The following PTPRM variants were observed in gnomAD, a reference collection of about 807,000 sequenced individuals.
The protein encoded by PTPRM is protein tyrosine phosphatase receptor type M, also known as receptor-type tyrosine-protein phosphatase mu.
PTPRM carries 47 observed loss-of-function variants against 186.7 expected under a neutral mutation model. The observed-to-expected ratio is 0.25, with a 90% CI of 0.20 to 0.32. The LOEUF is 0.32. Ranked by LOEUF, PTPRM falls within the 10% of genes least tolerant of loss-of-function variation. PTPRM has a pLI of 1.00. For missense variants in PTPRM, 1,494 were observed against 1,865.0 expected (o/e 0.80, Z 3.66); for synonymous variants, 668 against 674.9 (o/e 0.99, Z 0.16).
intron 7 of PTPRM, among the ~76,000 whole-genome samples, chr18:7,966,874 G>T (rs1306114102): frequency 6.3e-5 from 8 of 127,454 alleles, no homozygotes; most frequent in African/African-American, 2.0e-4. Context: ...CAGCGAGGCT[G>T]GGGGAGGGGC....
At chr18:8,355,981 G>A (rs999483626) in intron 23 of PTPRM, among the ~76,000 whole-genome samples, 3 of 152,212 alleles carry the variant, frequency 2.0e-5, no homozygotes, top group Non-Finnish European at 2.9e-5. Context: ...GTTGGTTCAT[G>A]TGCTCATCCC....
At chr18:8,128,575 C>T (rs932191999) in intron 13 of PTPRM, among the ~76,000 whole-genome samples, 2 of 151,864 alleles carry the variant, frequency 1.3e-5, no homozygotes, top group Admixed American at 6.6e-5. Context: ...CCTTTTTGTT[C>T]TTTTATGTGT....
At chr18:7,858,553 TC>T (rs2146017961) in intron 2 of PTPRM, among the ~76,000 whole-genome samples, 1 of 152,290 alleles carries the variant, frequency 6.6e-6, no homozygotes, top group African/African-American at 2.4e-5. Context: ...TGAGACCCTG[TC>T]TTTTAGAAAA....
intron 1 of PTPRM, among the ~76,000 whole-genome samples, chr18:7,713,809 G>A (rs1383053892): frequency 6.6e-6 from 1 of 151,908 alleles, no homozygotes; most frequent in Non-Finnish European, 1.5e-5. Context: ...AGGTATCAAT[G>A]CAACAAGAAG....
chr18:7,996,816 C>T (rs1365830347), intron 7 of PTPRM, among the ~76,000 whole-genome samples: 3 of 147,696 alleles, frequency 2.0e-5, no homozygotes, highest in African/African-American at 7.4e-5. Context: ...AAAAAAAATA[C>T]CTAGGGATAA....
intron 20 of PTPRM, among the ~76,000 whole-genome samples, chr18:8,309,958 C>T (rs2095255628): frequency 6.6e-6 from 1 of 152,182 alleles, no homozygotes; most frequent in South Asian, 2.1e-4. Context: ...CAACAACCTA[C>T]TCCATATCTC....
rs137915597 is a variant in PTPRM at position 7,724,856 on chromosome 18, T to C, written c.74-49293T>C. On this transcript the variant is annotated intron_variant, in intron 1 of 32. Coordinates refer to ENST00000580170, the MANE Select transcript of PTPRM (RefSeq NM_001105244.2). ...AAACTAATTACTCTTATAGTAGTGC[T>C]GTTCCCTTTATTGAAAAATAAGTGT... Among the ~76,000 whole-genome samples, 761 of 152,348 alleles carry C rather than the reference T, an allele frequency of 5.0e-3. 7 individuals are homozygous for C. The highest frequency in any genetic ancestry group is 5.6e-3 in the Non-Finnish European group (380 of 68,018).
chr18:8,020,980 T>A (rs2085182128), intron 7 of PTPRM, among the ~76,000 whole-genome samples: 1 of 152,134 alleles, frequency 6.6e-6, no homozygotes, highest in Non-Finnish European at 1.5e-5. Flanking sequence ...AGCCTTTTGT[T>A]TCCAGTGCAG....
At chr18:7,725,143 C>T (rs1033182591) in intron 1 of PTPRM, among the ~76,000 whole-genome samples, 1 of 152,194 alleles carries the variant, frequency 6.6e-6, no homozygotes, top group African/African-American at 2.4e-5. Flanking sequence ...TCATATTTAT[C>T]CTGTCCCTAA....
chr18:7,992,005 C>A (rs137880209), intron 7 of PTPRM, among the ~76,000 whole-genome samples: 4 of 152,050 alleles, frequency 2.6e-5, no homozygotes, highest in Non-Finnish European at 4.4e-5. Flanking sequence ...GAAAAAGATA[C>A]ATGATAAGGT....
At chr18:8,151,738 C>T (rs1017660301) in intron 14 of PTPRM, among the ~76,000 whole-genome samples, 15 of 151,542 alleles carry the variant, frequency 9.9e-5, no homozygotes, top group Admixed American at 9.8e-4. Context: ...CGGTGTCTGC[C>T]CAAACAGCCA....
intron 23 of PTPRM, among the ~76,000 whole-genome samples, chr18:8,357,129 C>T (rs965461539): frequency 2.6e-5 from 4 of 152,200 alleles, no homozygotes; most frequent in African/African-American, 9.7e-5. Flanking sequence ...AGGACAAAAA[C>T]ATGAGGACTG....
chr18:8,152,190 T>C (rs2093024612), intron 14 of PTPRM, among the ~76,000 whole-genome samples: 1 of 152,242 alleles, frequency 6.6e-6, no homozygotes. Flanking sequence ...AGGTTGAATA[T>C]GCTACTGTGG....
intron 14 of PTPRM, among the ~76,000 whole-genome samples, chr18:8,175,814 A>G (rs2093471869): frequency 6.6e-6 from 1 of 152,218 alleles, no homozygotes; most frequent in Non-Finnish European, 1.5e-5. Flanking sequence ...TTGAAACATT[A>G]CGTATTTTAG....
chr18:8,185,020 T>G (rs1030557639), intron 14 of PTPRM, among the ~76,000 whole-genome samples: 2 of 152,210 alleles, frequency 1.3e-5, no homozygotes, highest in African/African-American at 4.8e-5. Flanking sequence ...GTTTTCTTTT[T>G]TTAAGAGTAA....
intron 1 of PTPRM, among the ~76,000 whole-genome samples, chr18:7,696,047 A>G (rs1351245233): frequency 6.6e-6 from 1 of 152,232 alleles, no homozygotes; most frequent in Non-Finnish European, 1.5e-5. Context: ...TAATGTCAGC[A>G]TTTTAGCATG....
Position 8,252,514 on chromosome 18 carries a change from T to C in PTPRM, c.2566+15T>C. 1 of 1,545,650 alleles carries C rather than the reference T, an allele frequency of 6.5e-7. No homozygotes were observed. The highest frequency in any genetic ancestry group is 8.9e-7 in the Non-Finnish European group (1 of 1,117,720). On this transcript the variant is annotated intron_variant, in intron 18 of 32. Transcript: ENST00000580170. ...GCCAATAAATGGTAAGTTCCCCGAT[T>C]CGCCCCATGGAAGAGTTGTGGAGGG... is the stretch of plus-strand genomic sequence containing the variant.
rs528771714 is a variant in PTPRM at position 7,760,373 on chromosome 18, T to C, written c.74-13776T>C. Among the ~76,000 whole-genome samples the C allele has an allele frequency of 8.9e-4, 135 of 151,738 alleles. 1 individual carries two copies. The highest frequency in any genetic ancestry group is 3.2e-3 in the African/African-American group (131 of 41,534). On this transcript the variant is annotated intron_variant, in intron 1 of 32. Transcript: ENST00000580170. Reference sequence around the variant, plus strand: ...CTAGGCCTGGAAGAGTCTAGTATTGTTAAATATTAATTTTTTTTGTGGCCT... The same window carrying C: ...CTAGGCCTGGAAGAGTCTAGTATTGCTAAATATTAATTTTTTTTGTGGCCT...
chr18:8,124,600 G>T (rs1234760969), intron 13 of PTPRM, among the ~76,000 whole-genome samples: 1 of 152,126 alleles, frequency 6.6e-6, no homozygotes, highest in African/African-American at 2.4e-5. Flanking sequence ...GTGAAAAATT[G>T]GTATCATACT....
Sources: allele counts gnomAD v4.1 joint callset (sites outside exome capture counted in the v4.1 genomes callset), GRCh38; gene constraint gnomAD v4.1.1; transcripts MANE v1.5; gene names NCBI Gene and HGNC (gene_info 2026-07-23, HGNC 2026-07-21).